ITIH6: variants seen among roughly 807,000 people sequenced by gnomAD.
The protein encoded by ITIH6 is inter-alpha-trypsin inhibitor heavy chain H6.
A neutral mutation model predicts 58.2 loss-of-function variants in ITIH6; 60 were observed. That is an observed-to-expected ratio of 1.03 (90% confidence interval 0.84 to 1.28). The LOEUF (loss-of-function observed/expected upper bound fraction) is 1.28, where lower values mean the gene tolerates loss of function less well. Among genes scored for constraint, ITIH6 ranks in the 50% most tolerant of loss-of-function variants. The pLI is 0.00. For missense variants in ITIH6, 1,290 were observed against 1,021.1 expected (o/e 1.26, Z -3.59); for synonymous variants, 493 against 417.4 (o/e 1.18, Z -2.21).
At chrX:54,773,354 T>C (rs1315490787) in intron 6 of ITIH6, among the ~76,000 whole-genome samples, 1 of 111,508 alleles carries the variant, frequency 9.0e-6, no homozygotes, top group East Asian at 2.8e-4. Context: ...GCTGGGGAGC[T>C]GGCTTGGGGT....
At chrX:54,752,448 C>T (rs1602048993) in intron 11 of ITIH6, among the ~76,000 whole-genome samples, 1 of 111,830 alleles carries the variant, frequency 8.9e-6, no homozygotes, top group African/African-American at 3.3e-5. Context: ...ATGGATAACT[C>T]GTTTTAAGAA....
At chrX:54,770,708 T>C (rs1253103688) in intron 6 of ITIH6, among the ~76,000 whole-genome samples, 1 of 112,443 alleles carries the variant, frequency 8.9e-6, no homozygotes, top group Non-Finnish European at 1.9e-5. Context: ...ATTCACTAAA[T>C]ACATTGTTAT....
In ITIH6 at chrX:54,755,031, A is replaced by G; in HGVS notation, c.3188T>C (p.Val1063Ala). The change falls in exon 9 of 13, where the codon GTG (valine) becomes GCG (alanine). Residue 1063 changes from valine to alanine, a missense_variant. By Grantham distance (64) the Val-to-Ala change is moderately conservative (BLOSUM62 0). Transcript: ENST00000218436. ...TCCTTGCTCACCTTTTGCTAACCCC[A>G]CAGAACTTCCTTGAGATTCCATGCT... Reference protein sequence around the residue: ...GGSMESQGSSVGLAKGTLPSI... With the variant: ...GGSMESQGSSAGLAKGTLPSI... 3.3e-6 allele frequency: 4 copies of G among 1,210,056 alleles called. No homozygotes were observed. Among genetic ancestry groups the G allele is most frequent in the Non-Finnish European group, 4.5e-6 (4 of 893,820 alleles).
At chrX:54,786,197 GC>G (rs1379697721) in intron 5 of ITIH6, among the ~76,000 whole-genome samples, 6 of 111,776 alleles carry the variant, frequency 5.4e-5, no homozygotes, top group African/African-American at 2.0e-4. Flanking sequence ...TCCTCGGGTG[GC>G]CCCCATTCCC....
Position 54,762,207 on chromosome X carries a change from C to A in ITIH6, c.904-2280G>T, listed in dbSNP as rs928806377. Reference sequence around the variant, plus strand: ...TTTATTCTCTTTGAAGCAATTGTGACTGGGAGTTCACTCATGATTTGGCTC... The same window carrying A: ...TTTATTCTCTTTGAAGCAATTGTGAATGGGAGTTCACTCATGATTTGGCTC... On this transcript the variant is annotated intron_variant, in intron 6 of 12. Coordinates refer to ENST00000218436, the MANE Select transcript of ITIH6 (RefSeq NM_198510.3). Among the ~76,000 whole-genome samples, 150 of 111,062 alleles carry A rather than the reference C, an allele frequency of 1.4e-3. 2 individuals carry two copies. The highest frequency in any genetic ancestry group is 4.2e-3 in the African/African-American group (128 of 30,496).
At chrX:54,786,349 A>G (rs890165485) in intron 5 of ITIH6, among the ~76,000 whole-genome samples, 3 of 111,199 alleles carry the variant, frequency 2.7e-5, no homozygotes, top group Non-Finnish European at 3.8e-5. Flanking sequence ...TCTCCCATCC[A>G]TGCTGCTTGG....
At chrX:54,759,403 T>G (rs1331483590) in intron 7 of ITIH6, among the ~76,000 whole-genome samples, 1 of 112,006 alleles carries the variant, frequency 8.9e-6, no homozygotes, top group Non-Finnish European at 1.9e-5. Flanking sequence ...CAGAGACGAT[T>G]GCTTAAAAGC....
At chrX:54,765,594 C>CTTTTTTT (rs1178444249) in intron 6 of ITIH6, among the ~76,000 whole-genome samples, 8 of 79,205 alleles carry the variant, frequency 1.0e-4, no homozygotes, top group African/African-American at 1.3e-4. Flanking sequence ...TATTTCTTTT[C>CTTTTTTT]TTTTTTTTTT....
At position 54,753,698 on chromosome X, in the gene ITIH6, T is replaced by G; in HGVS notation, c.3305A>C (p.Asn1102Thr). The change falls in exon 11 of 13, where the codon AAT becomes ACT. Residue 1102 changes from asparagine to threonine, a missense_variant. By Grantham distance (65) the Asn-to-Thr change is moderately conservative. Transcript: ENST00000218436. ...HSEEKICFTLNGHPGDLLQLI... is the reference protein window; with the variant it reads ...HSEEKICFTLTGHPGDLLQLI... ...CTGCAGCAAGTCCCCAGGGTGCCCA[T>G]TCAGTGTGAAGCAGATCTTCTCTTC... 3.3e-6 allele frequency: 4 copies of G among 1,211,617 alleles called. No individual in the cohort carries two copies. In the South Asian group the frequency reaches 7.0e-5, roughly 21 times the overall value.
chrX:54,791,554 T>A (rs1275795880), intron 3 of ITIH6, among the ~76,000 whole-genome samples: 1 of 110,817 alleles, frequency 9.0e-6, no homozygotes, highest in East Asian at 2.8e-4. Context: ...GAAACTCTCT[T>A]GGAAGCTGGG....
chrX:54,775,983 G>A (rs1014161318), intron 5 of ITIH6, among the ~76,000 whole-genome samples: 2 of 111,719 alleles, frequency 1.8e-5, no homozygotes, highest in African/African-American at 6.5e-5. Flanking sequence ...TCAGTACCTG[G>A]TTTTAACTTC....
chrX:54,751,053 A>T lies in ITIH6; in HGVS notation c.3680T>A (p.Phe1227Tyr), dbSNP rs150775337. The T allele has an allele frequency of 3.4e-5, 40 of 1,188,898 alleles. No homozygotes were observed. In the Middle Eastern group the frequency reaches 6.9e-4, roughly 21 times the overall value. Reference protein sequence around the residue: ...PSTLQLPHLGFYVANGSGLSP... With the variant: ...PSTLQLPHLGYYVANGSGLSP... ...GAGGCCTGAGCCATTGGCCACGTAG[A>T]ACCCCAGGTGGGGTAGTTGCAGGGT... Residue 1227 changes from phenylalanine to tyrosine, a missense_variant, in exon 12 of 13, where the codon TTC (phenylalanine) becomes TAC (tyrosine). Coordinates refer to ENST00000218436, the MANE Select transcript of ITIH6 (RefSeq NM_198510.3).
In ITIH6 at chrX:54,770,285, C is replaced by T. The variant is rs751825605; in HGVS notation, c.903+3796G>A. ...TGGCCTGCGCCCACTGTCTGGCACT[C>T]CCTAGTGAGATGAACCCGGTACCTC... On this transcript the variant is annotated intron_variant, in intron 6 of 12. Coordinates refer to ENST00000218436, the MANE Select transcript of ITIH6 (RefSeq NM_198510.3). 2.4e-3 allele frequency among the ~76,000 whole-genome samples: 275 copies of T among 112,598 alleles called. 1 individual carries two copies. Among genetic ancestry groups the T allele is most frequent in the African/African-American group, 8.6e-3 (267 of 31,074 alleles).
Position 54,793,530 on chromosome X carries a change from C to T in ITIH6, c.258-1494G>A, listed in dbSNP as rs191640746. The stretch of plus-strand genomic sequence containing the variant: ...GTTTCACAATCCACATCCAATCCAT[C>T]AGGGATTTTCAGCTCCATCTTTAGA... On this transcript the variant is annotated intron_variant, in intron 2 of 12. Coordinates refer to ENST00000218436, the MANE Select transcript of ITIH6 (RefSeq NM_198510.3). Among the ~76,000 whole-genome samples the T allele has an allele frequency of 8.2e-4, 92 of 112,265 alleles. No homozygotes were observed. The East Asian group carries it at 0.013, about 15-fold the overall frequency.
Position 54,758,454 on chromosome X carries a change from G to A in ITIH6, c.1620C>T (p.Asn540=). The A allele has an allele frequency of 8.3e-7, 1 of 1,209,684 alleles. No homozygotes were observed. Among genetic ancestry groups the A allele is most frequent in the Non-Finnish European group, 1.1e-6 (1 of 894,453 alleles). Residue 540 remains asparagine, a synonymous_variant, in exon 8 of 13, where the codon AAC becomes AAT. Coordinates refer to ENST00000218436, the MANE Select transcript of ITIH6 (RefSeq NM_198510.3). ...LVAHHSEGAT[N]NSQKAFGCPG... ...GGCAACCAAAGGCCTTCTGGCTGTT[G>A]TTGGTGGCCCCTTCACTGTGGTGGG...
At chrX:54,775,284 C>T (rs942297070) in intron 5 of ITIH6, among the ~76,000 whole-genome samples, 5 of 111,493 alleles carry the variant, frequency 4.5e-5, no homozygotes, top group East Asian at 2.9e-4. Context: ...TATCTTTCCC[C>T]GATCCCATGC....
At chrX:54,750,879 T>G (rs780141307) in intron 12 of ITIH6, 124 bp downstream of exon 12, 599 of 716,794 alleles carry the variant, frequency 8.4e-4, no homozygotes, top group Non-Finnish European at 1.1e-3. Flanking sequence ...GATGAGGAGC[T>G]CCCCAAGGGA....
At chrX:54,783,575 A>T (rs1251887540) in intron 5 of ITIH6, among the ~76,000 whole-genome samples, 2 of 111,907 alleles carry the variant, frequency 1.8e-5, no homozygotes, top group African/African-American at 6.5e-5. Context: ...TTAAAAAGAA[A>T]CCCTATTTAT....
At chrX:54,764,407 C>T (rs1460860874) in intron 6 of ITIH6, among the ~76,000 whole-genome samples, 2 of 107,629 alleles carry the variant, frequency 1.9e-5, no homozygotes, top group African/African-American at 3.4e-5. Context: ...TATCCCTCCC[C>T]CCTTCCCCCT....
Sources: allele counts gnomAD v4.1 joint callset (sites outside exome capture counted in the v4.1 genomes callset), GRCh38; gene constraint gnomAD v4.1.1; transcripts MANE v1.5; gene names NCBI Gene and HGNC (gene_info 2026-07-23, HGNC 2026-07-21).